TACR3: variants seen among roughly 807,000 people sequenced by gnomAD.
TACR3 encodes neuromedin-K receptor.
In TACR3, 34 loss-of-function variants were observed where a neutral mutation model predicts 35.0. The observed-to-expected ratio is 0.97, with a 90% CI of 0.74 to 1.30. TACR3 has a LOEUF of 1.30. TACR3 is among the 50% of genes most tolerant of loss of function. The pLI, the probability that TACR3 is intolerant of heterozygous loss-of-function variation, is 0.00. For synonymous variants in TACR3, 233 were observed against 221.1 expected, an observed-to-expected ratio of 1.05 and a Z score of -0.48; for missense variants, 558 against 591.7, an observed-to-expected ratio of 0.94 and a Z score of 0.59.
At chr4:103,667,185 G>C (rs1725953093) in intron 1 of TACR3, among the ~76,000 whole-genome samples, 1 of 152,164 alleles carries the variant, frequency 6.6e-6, no homozygotes, top group East Asian at 1.9e-4. Context: ...TTGAACCCAG[G>C]AGGCGGAGGT....
At chr4:103,620,722 A>G (rs1724756404) in intron 3 of TACR3, among the ~76,000 whole-genome samples, 1 of 152,124 alleles carries the variant, frequency 6.6e-6, no homozygotes, top group Non-Finnish European at 1.5e-5. Context: ...AAATATGGGA[A>G]CAATACACAT....
At chr4:103,590,024 AGTT>A (rs1723860598) in intron 4 of TACR3, 30 bp from the exon 5 acceptor site, 1 of 1,603,630 alleles carries the variant, frequency 6.2e-7, no homozygotes, top group Non-Finnish European at 8.5e-7. Flanking sequence ...AGAAAGAAAA[AGTT>A]ATTTTTTCAA....
intron 1 of TACR3, among the ~76,000 whole-genome samples, chr4:103,687,013 C>G (rs1033486010): frequency 6.6e-6 from 1 of 152,092 alleles, no homozygotes; most frequent in Non-Finnish European, 1.5e-5. Flanking sequence ...TACTGGCAAA[C>G]CGAATCCAGC....
chr4:103,678,769 C>T (rs1398668556), intron 1 of TACR3, among the ~76,000 whole-genome samples: 1 of 144,840 alleles, frequency 6.9e-6, no homozygotes, highest in Non-Finnish European at 1.5e-5. Context: ...GCATGAGATA[C>T]ACTTAGAAAA....
At chr4:103,707,668 G>A (rs2110228204) in intron 1 of TACR3, among the ~76,000 whole-genome samples, 1 of 152,256 alleles carries the variant, frequency 6.6e-6, no homozygotes, top group Non-Finnish European at 1.5e-5. Flanking sequence ...GACAGTGGGT[G>A]CAGCCCACCG....
rs573636889 is a variant in TACR3 at position 103,588,503 on chromosome 4, A to G, written c.*1179T>C. 1 of 152,196 alleles carries G rather than the reference A, an allele frequency of 6.6e-6. No homozygotes were observed. Among genetic ancestry groups the G allele is most frequent in the East Asian group, 1.9e-4 (1 of 5,192 alleles). 9.4% of individuals were successfully genotyped at this position (152,196 alleles called of 1,614,324 possible). A position where few individuals can be genotyped will look rare whatever the true frequency, so the allele number is the denominator to read the frequency against. ...GATGCTTTCTTAGGACTATTATCTCATTTCTTTCTGGTAAGACTTCTGAAT... is the reference window on the plus strand; with the variant it reads ...GATGCTTTCTTAGGACTATTATCTCGTTTCTTTCTGGTAAGACTTCTGAAT... On this transcript the variant is annotated 3_prime_UTR_variant, in exon 5 of 5. Transcript: ENST00000304883.
intron 3 of TACR3, among the ~76,000 whole-genome samples, chr4:103,642,275 C>T (rs896582730): frequency 2.4e-4 from 36 of 150,890 alleles, no homozygotes; most frequent in Admixed American, 4.6e-4. Context: ...CATTGTACCT[C>T]ATAAGTGTAT....
chr4:103,683,449 T>A (rs985572256), intron 1 of TACR3, among the ~76,000 whole-genome samples: 1 of 29,358 alleles, frequency 3.4e-5, no homozygotes, highest in African/African-American at 1.2e-4. Flanking sequence ...CTAAAATTGA[T>A]AACGCACTAG....
chr4:103,711,872 C>G (rs2110231424), intron 1 of TACR3, among the ~76,000 whole-genome samples: 1 of 152,250 alleles, frequency 6.6e-6, no homozygotes, highest in South Asian at 2.1e-4. Context: ...AGAGCCAAAT[C>G]ATGAGTGAAC....
At chr4:103,607,467 A>G (rs1473604181) in intron 3 of TACR3, among the ~76,000 whole-genome samples, 1 of 151,852 alleles carries the variant, frequency 6.6e-6, no homozygotes, top group African/African-American at 2.4e-5. Flanking sequence ...TAAAATAAAT[A>G]AAACAAAAAT....
chr4:103,603,491 G>A lies in TACR3; in HGVS notation c.889-11808C>T, dbSNP rs200900183. Among the ~76,000 whole-genome samples, 4 of 152,290 alleles carry A rather than the reference G, an allele frequency of 2.6e-5. No homozygotes were observed. In the East Asian group the frequency reaches 7.7e-4, roughly 29 times the overall value. ...ATCACCCGTCTTCTGCGTTGCTCAC[G>A]CTGGGCGAACTTATCCTTTTTTATG... On this transcript the variant is annotated intron_variant, in intron 3 of 4. Coordinates refer to ENST00000304883, the MANE Select transcript of TACR3 (RefSeq NM_001059.3).
At chr4:103,669,172 C>A (rs1263827858) in intron 1 of TACR3, among the ~76,000 whole-genome samples, 1 of 151,828 alleles carries the variant, frequency 6.6e-6, no homozygotes, top group African/African-American at 2.4e-5. Context: ...GAATAGTATT[C>A]TATTATGTAT....
intron 3 of TACR3, among the ~76,000 whole-genome samples, chr4:103,615,123 C>T (rs943055976): frequency 6.6e-6 from 1 of 151,860 alleles, no homozygotes; most frequent in Non-Finnish European, 1.5e-5. Context: ...GTCTCGATCT[C>T]CTGACCTCGT....
intron 3 of TACR3, among the ~76,000 whole-genome samples, chr4:103,617,340 T>C (rs986306311): frequency 6.6e-6 from 1 of 152,198 alleles, no homozygotes; most frequent in Non-Finnish European, 1.5e-5. Context: ...CTTAGAATAA[T>C]ATCTTAAATC....
intron 1 of TACR3, among the ~76,000 whole-genome samples, chr4:103,679,986 A>T (rs1198470100): frequency 6.6e-6 from 1 of 151,892 alleles, no homozygotes; most frequent in Non-Finnish European, 1.5e-5. Flanking sequence ...AAGCTGTATT[A>T]TTATATTGCT....
chr4:103,710,591 G>C (rs1035509935), intron 1 of TACR3, among the ~76,000 whole-genome samples: 3 of 151,970 alleles, frequency 2.0e-5, no homozygotes, highest in Non-Finnish European at 4.4e-5. Context: ...ACTAGAGAAG[G>C]AAGAGCAAAC....
intron 3 of TACR3, among the ~76,000 whole-genome samples, chr4:103,650,144 C>T (rs2110325168): frequency 6.6e-6 from 1 of 152,088 alleles, no homozygotes; most frequent in African/African-American, 2.4e-5. Flanking sequence ...CTCTGGATTT[C>T]CAGACAGAGG....
chr4:103,627,976 T>G (rs140455152), intron 3 of TACR3, among the ~76,000 whole-genome samples: 1,598 of 152,176 alleles, frequency 0.011, 32 homozygotes, highest in African/African-American at 0.037. Flanking sequence ...AAATCAGAAC[T>G]CAGGATTAAG....
chr4:103,637,057 C>A (rs368512665), intron 3 of TACR3, among the ~76,000 whole-genome samples: 45 of 152,044 alleles, frequency 3.0e-4, no homozygotes, highest in African/African-American at 6.7e-4. Flanking sequence ...CAATCAATAG[C>A]AAAAGAGGGA....
Sources: gnomAD v4.1 joint callset for allele counts (sites outside exome capture counted in the v4.1 genomes callset) on GRCh38, gnomAD v4.1.1 for gene constraint, MANE v1.5 for transcripts, NCBI Gene and HGNC (gene_info 2026-07-23, HGNC 2026-07-21) for gene names.